The following TARS2 variants were observed in gnomAD, a reference collection of about 807,000 sequenced individuals.
The protein encoded by TARS2 is threonyl-tRNA synthetase 2, mitochondrial.
Under a neutral mutation model 94.4 loss-of-function variants are expected in TARS2, and 61 were observed. The ratio of observed to expected loss-of-function variants is 0.65; its 90% confidence interval spans 0.53 to 0.80. The LOEUF (loss-of-function observed/expected upper bound fraction) is 0.80. Among genes scored for constraint, TARS2 ranks in the 30% least tolerant of loss-of-function variants. TARS2 has a pLI of 0.00. For missense variants in TARS2, 704 were observed against 902.5 expected (o/e 0.78, Z 2.82); for synonymous variants, 359 against 353.4 (o/e 1.02, Z -0.18).
At chr1:150,488,757 C>A in intron 2 of TARS2, 1 of 530,510 alleles carries the variant, frequency 1.9e-6, no homozygotes, top group Non-Finnish European at 3.3e-6. Context: ...CATATTCCTT[C>A]TGTCTAACTC....
Position 150,497,626 on chromosome 1 carries a change from G to A in TARS2, c.1117G>A (p.Glu373Lys), listed in dbSNP as rs145586514. Residue 373 changes from glutamate (E) to lysine (K), a missense_variant, in exon 10 of 18, where the codon GAA (glutamate) becomes AAA (lysine). Glu to Lys is a moderately conservative substitution (Grantham distance 56). Around this residue, in one of 3 missense-constraint regions of TARS2, gnomAD observed 466 missense variants for 609.5 expected, o/e 0.76. Coordinates refer to ENST00000369064, the MANE Select transcript of TARS2 (RefSeq NM_025150.5). ...EQSGHWEHYQ[E>K]DMFAVQPPGS... is the part of the protein sequence containing the mutation. Reference sequence around the variant, plus strand: ...GTCAGGGCACTGGGAGCATTATCAGGAAGACATGTTTGCCGTGCAGCCCCC... The same window carrying A: ...GTCAGGGCACTGGGAGCATTATCAGAAAGACATGTTTGCCGTGCAGCCCCC... The A allele has an allele frequency of 1.4e-5, 22 of 1,614,036 alleles. No individual in the cohort carries two copies. In the Middle Eastern group the frequency reaches 6.6e-4, roughly 48 times the overall value.
chr1:150,504,204 T>G lies in TARS2; in HGVS notation c.1618-131T>G, dbSNP rs1358561397. On this transcript the variant is annotated intron_variant, in intron 13 of 17. Transcript: ENST00000369064. ...CTGGAGGGGTAGCGTATGATAGAGC[T>G]AGGTGACATGATGAAGGTAGTAGCC... is the stretch of plus-strand genomic sequence containing the variant. 6 of 769,320 alleles carry G rather than the reference T, an allele frequency of 7.8e-6. No individual in the cohort carries two copies. In the African/African-American group the frequency reaches 8.6e-5, roughly 11 times the overall value. 47.7% of individuals were successfully genotyped at this position (769,320 alleles called of 1,614,324 possible). A position where few individuals can be genotyped will look rare whatever the true frequency, so the allele number is the denominator to read the frequency against.
chr1:150,504,501 C>A, intron 14 of TARS2, 66 bp downstream of exon 14: 2 of 1,589,276 alleles, frequency 1.3e-6, no homozygotes, highest in Non-Finnish European at 1.7e-6. Context: ...CTGCCTTTGG[C>A]CCTAAAAACT....
chr1:150,496,996 GT>G, intron 9 of TARS2, 88 bp downstream of exon 9: 1 of 1,316,492 alleles, frequency 7.6e-7, no homozygotes, highest in South Asian at 1.3e-5. Context: ...AAAGATGGGG[GT>G]TGGGGCCGGG....
chr1:150,499,128 T>A, intron 12 of TARS2, 88 bp from the exon 13 acceptor site: 1 of 1,609,940 alleles, frequency 6.2e-7, no homozygotes, highest in South Asian at 1.1e-5. Context: ...AGGCATCTGG[T>A]GAGTGGGTCA....
chr1:150,498,743 T>C, intron 11 of TARS2, 79 bp downstream of exon 11: 2 of 1,607,886 alleles, frequency 1.2e-6, no homozygotes. Flanking sequence ...CCCTGATCTT[T>C]ATTTGCCCCC....
intron 10 of TARS2, among the ~76,000 whole-genome samples, chr1:150,498,126 G>A (rs919576351): frequency 1.6e-4 from 24 of 151,040 alleles, no homozygotes; most frequent in African/African-American, 5.8e-4. Flanking sequence ...ACCTTGGAAA[G>A]AGTATTGGGA....
At chr1:150,487,643 GACTCGTATCTAA>G in intron 1 of TARS2, 127 bp downstream of exon 1, 1 of 1,365,502 alleles carries the variant, frequency 7.3e-7, no homozygotes, top group South Asian at 1.3e-5. Context: ...CCCAGAAAAG[GACTCGTATCTAA>G]ACTCGTTATC....
chr1:150,495,340 C>T (rs1446131025), intron 7 of TARS2, among the ~76,000 whole-genome samples: 37 of 151,616 alleles, frequency 2.4e-4, no homozygotes, highest in African/African-American at 8.5e-4. Context: ...TGTATATACA[C>T]ACACACACAC....
rs1341042777 is a variant in TARS2 at position 150,487,914 on chromosome 1, G to A, written c.123G>A (p.Glu41=). 2.5e-6 allele frequency: 4 copies of A among 1,613,780 alleles called. No individual in the cohort carries two copies. Among genetic ancestry groups the A allele is most frequent in the Non-Finnish European group, 3.4e-6 (4 of 1,180,044 alleles). Residue 41 remains glutamate (E), a synonymous_variant, in exon 2 of 18, where the codon GAG becomes GAA. Coordinates refer to ENST00000369064, the MANE Select transcript of TARS2 (RefSeq NM_025150.5). ...CAGAGCGGCTTGGCCTTTTTGAGGA[G>A]CTGTGGGCTGCTCAGGTAAAGAGAT... ...WLAERLGLFE[E]LWAAQVKRLA...
chr1:150,506,011 C>T (rs1285622044), intron 17 of TARS2, among the ~76,000 whole-genome samples: 6 of 152,136 alleles, frequency 3.9e-5, no homozygotes, highest in Non-Finnish European at 5.9e-5. Flanking sequence ...GTTAATACAG[C>T]GTTAATTACC....
At chr1:150,504,473 T>C in intron 14 of TARS2, 38 bp downstream of exon 14, 4 of 1,605,218 alleles carry the variant, frequency 2.5e-6, no homozygotes, top group Non-Finnish European at 3.4e-6. Context: ...CCCTTGACAG[T>C]GCATGGAATA....
intron 13 of TARS2, among the ~76,000 whole-genome samples, chr1:150,500,884 G>A (rs1669883435): frequency 6.6e-6 from 1 of 152,108 alleles, no homozygotes; most frequent in Non-Finnish European, 1.5e-5. Context: ...AGTCTATTTG[G>A]AGGGAGAAGT....
intron 13 of TARS2, among the ~76,000 whole-genome samples, chr1:150,503,545 A>ATGTG (rs368609900): frequency 0.043 from 4,108 of 95,516 alleles, 116 homozygotes; most frequent in South Asian, 0.088. Flanking sequence ...AAATACACAT[A>ATGTG]TGTGTGTGTG....
chr1:150,507,117 CAT>C lies in TARS2; in HGVS notation c.*54_*55del. The stretch of plus-strand genomic sequence containing the variant: ...CTGCGAGTGCCATCAGCCTCCCTCA[CAT>C]GGGAGACCCCAACCCAGCTGACAAT... On this transcript the variant is annotated 3_prime_UTR_variant, in exon 18 of 18. Coordinates refer to ENST00000369064, the MANE Select transcript of TARS2 (RefSeq NM_025150.5). The C allele has an allele frequency of 6.2e-7, 1 of 1,604,710 alleles. No homozygotes were observed.
chr1:150,500,995 G>A (rs908291606), intron 13 of TARS2, among the ~76,000 whole-genome samples: 35 of 152,240 alleles, frequency 2.3e-4, no homozygotes, highest in African/African-American at 8.2e-4. Flanking sequence ...AGGAAAGGCT[G>A]AAGGTAGATG....
At chr1:150,498,444 GC>G (rs1669765118) in intron 10 of TARS2, 57 bp from the exon 11 acceptor site, 1 of 1,503,076 alleles carries the variant, frequency 6.7e-7, no homozygotes, top group African/African-American at 1.4e-5. Context: ...GGGTGGAGGA[GC>G]AGTCTTCGGG....
In TARS2 at chr1:150,498,886, C is replaced by T. The variant is rs747786742; in HGVS notation, c.1402-11C>T. ...GCTCACAGCTCACTGACCCTTATTT[C>T]CTGCCCCTAGCTGGAAGCAGAGATC... On this transcript the variant is annotated splice_polypyrimidine_tract_variant and intron_variant, in intron 11 of 17. Transcript: ENST00000369064. 16 of 1,614,090 alleles carry T rather than the reference C, an allele frequency of 9.9e-6. No homozygotes were observed. The African/African-American group carries it at 2.1e-4, about 22-fold the overall frequency.
intron 7 of TARS2, among the ~76,000 whole-genome samples, chr1:150,494,132 T>TG (rs1412151070): frequency 4.6e-5 from 7 of 151,562 alleles, no homozygotes; most frequent in Admixed American, 1.3e-4. Context: ...TTGGGGAGGG[T>TG]GAGGCAGGCG....
Sources: gnomAD v4.1 joint callset for allele counts (sites outside exome capture counted in the v4.1 genomes callset) on GRCh38, gnomAD v4.1.1 for gene constraint, gnomAD v4.1.1 regional missense constraint, MANE v1.5 for transcripts, NCBI Gene and HGNC (gene_info 2026-07-23, HGNC 2026-07-21) for gene names.